HS6ST3: variants seen among roughly 807,000 people sequenced by gnomAD.
HS6ST3 encodes heparan sulfate 6-O-sulfotransferase 3.
A neutral mutation model predicts 36.7 loss-of-function variants in HS6ST3; 12 were observed. The ratio of observed to expected loss-of-function variants is 0.33; its 90% confidence interval spans 0.21 to 0.53. The LOEUF is 0.53. Among genes scored for constraint, HS6ST3 ranks in the 20% least tolerant of loss-of-function variants. The pLI, the probability that HS6ST3 is intolerant of heterozygous loss-of-function variation, is 0.95. For missense variants in HS6ST3, 584 were observed against 640.9 expected (o/e 0.91, Z 0.96); for synonymous variants, 240 against 257.5 (o/e 0.93, Z 0.65).
intron 1 of HS6ST3, among the ~76,000 whole-genome samples, chr13:96,533,851 C>T (rs965439569): frequency 4.6e-5 from 7 of 152,132 alleles, no homozygotes; most frequent in Non-Finnish European, 5.9e-5. Flanking sequence ...CCAGGGGGTC[C>T]AGAGATGATT....
At chr13:96,734,013 C>CT (rs1246887539) in intron 1 of HS6ST3, among the ~76,000 whole-genome samples, 2 of 152,204 alleles carry the variant, frequency 1.3e-5, no homozygotes, top group Non-Finnish European at 1.5e-5. Context: ...CCAGATTTAG[C>CT]TTTTTAAACA....
At chr13:96,186,703 C>G (rs2054266485) in intron 1 of HS6ST3, among the ~76,000 whole-genome samples, 1 of 152,092 alleles carries the variant, frequency 6.6e-6, no homozygotes, top group Non-Finnish European at 1.5e-5. Context: ...TCAGAGGGAG[C>G]CTATGACATT....
intron 1 of HS6ST3, among the ~76,000 whole-genome samples, chr13:96,533,241 A>G (rs2056142572): frequency 6.6e-6 from 1 of 152,176 alleles, no homozygotes; most frequent in Non-Finnish European, 1.5e-5. Flanking sequence ...AGAGACACAG[A>G]GACTGATGAG....
At chr13:96,660,856 A>C (rs1594830029) in intron 1 of HS6ST3, among the ~76,000 whole-genome samples, 1 of 152,294 alleles carries the variant, frequency 6.6e-6, no homozygotes, top group East Asian at 1.9e-4. Flanking sequence ...AGGAAGACCC[A>C]CCTTCAGGGA....
chr13:96,233,109 G>A (rs1167448286), intron 1 of HS6ST3, among the ~76,000 whole-genome samples: 1 of 152,096 alleles, frequency 6.6e-6, no homozygotes, highest in African/African-American at 2.4e-5. Flanking sequence ...CTGATTTTGT[G>A]TAAATAATAT....
chr13:96,189,312 T>C (rs1234446963), intron 1 of HS6ST3, among the ~76,000 whole-genome samples: 1 of 152,148 alleles, frequency 6.6e-6, no homozygotes, highest in Non-Finnish European at 1.5e-5. Context: ...ATGGGGGTTG[T>C]AACAGAGTCA....
chr13:96,796,230 G>A (rs538199687), intron 1 of HS6ST3, among the ~76,000 whole-genome samples: 1 of 152,100 alleles, frequency 6.6e-6, no homozygotes, highest in East Asian at 1.9e-4. Context: ...AATGGGAAAA[G>A]GGAAACTTCA....
At chr13:96,317,436 A>C (rs557576391) in intron 1 of HS6ST3, among the ~76,000 whole-genome samples, 8 of 146,630 alleles carry the variant, frequency 5.5e-5, no homozygotes, top group African/African-American at 1.5e-4. Flanking sequence ...ATACATATAT[A>C]TGTCACATTT....
chr13:96,376,992 G>T (rs1010347034), intron 1 of HS6ST3, among the ~76,000 whole-genome samples: 2 of 149,710 alleles, frequency 1.3e-5, no homozygotes, highest in Non-Finnish European at 3.0e-5. Flanking sequence ...CAGTATTTTT[G>T]TTTTTATTGA....
chr13:96,248,931 A>G (rs1366380350), intron 1 of HS6ST3, among the ~76,000 whole-genome samples: 1 of 152,150 alleles, frequency 6.6e-6, no homozygotes, highest in African/African-American at 2.4e-5. Context: ...ATCTAGTGTA[A>G]TTGATGTGGC....
rs78827700 is a variant in HS6ST3, at chr13:96,478,264, C to A, written c.708-354226C>A. ...GCTCAGTTTTATTTGTGTTTATTAA[C>A]TGCCTGCTTCTTTTTGGCCAGAGAT... On this transcript the variant is annotated intron_variant, in intron 1 of 1. Transcript: ENST00000376705. Among the ~76,000 whole-genome samples the A allele has an allele frequency of 5.8e-3, 889 of 152,258 alleles. 9 individuals carry two copies. The highest frequency in any genetic ancestry group is 0.021 in the African/African-American group (862 of 41,550).
At chr13:96,727,632 C>T (rs1251466735) in intron 1 of HS6ST3, among the ~76,000 whole-genome samples, 2 of 152,118 alleles carry the variant, frequency 1.3e-5, no homozygotes, top group African/African-American at 2.4e-5. Flanking sequence ...AGGAAGGAGC[C>T]AGAATAACAC....
intron 1 of HS6ST3, among the ~76,000 whole-genome samples, chr13:96,335,537 C>A (rs534342993): frequency 3.4e-3 from 521 of 152,274 alleles, no homozygotes; most frequent in South Asian, 7.1e-3. Flanking sequence ...GTAAATAGGA[C>A]TCTACTTACT....
At chr13:96,603,808 G>A (rs1472072171) in intron 1 of HS6ST3, among the ~76,000 whole-genome samples, 1 of 152,122 alleles carries the variant, frequency 6.6e-6, no homozygotes, top group East Asian at 1.9e-4. Flanking sequence ...ATGTATGCTT[G>A]GCATACTTCA....
At chr13:96,384,217 T>C (rs2139447879) in intron 1 of HS6ST3, among the ~76,000 whole-genome samples, 1 of 152,368 alleles carries the variant, frequency 6.6e-6, no homozygotes, top group African/African-American at 2.4e-5. Context: ...TCTTTCAGAC[T>C]CTGACCACAT....
intron 1 of HS6ST3, among the ~76,000 whole-genome samples, chr13:96,601,291 A>C (rs1309267549): frequency 6.6e-6 from 1 of 152,028 alleles, no homozygotes; most frequent in Non-Finnish European, 1.5e-5. Flanking sequence ...CTTCTCCCTC[A>C]GGAATATATC....
At chr13:96,563,928 C>A in intron 1 of HS6ST3, among the ~76,000 whole-genome samples, 1 of 152,166 alleles carries the variant, frequency 6.6e-6, no homozygotes, top group East Asian at 1.9e-4. Context: ...ACCTTCTAGA[C>A]TTTTCTCCCG....
At chr13:96,736,236 T>TA (rs1450457871) in intron 1 of HS6ST3, among the ~76,000 whole-genome samples, 1 of 151,660 alleles carries the variant, frequency 6.6e-6, no homozygotes, top group Non-Finnish European at 1.5e-5. Flanking sequence ...AAAAAGAAGT[T>TA]AAAAAAACAA....
chr13:96,805,967 G>A (rs1189778067), intron 1 of HS6ST3, among the ~76,000 whole-genome samples: 2 of 152,136 alleles, frequency 1.3e-5, no homozygotes, highest in African/African-American at 4.8e-5. Flanking sequence ...ACCCAAAGAC[G>A]TATTTTAGGG....
Sources: gnomAD v4.1 joint callset for allele counts (sites outside exome capture counted in the v4.1 genomes callset) on GRCh38, gnomAD v4.1.1 for gene constraint, MANE v1.5 for transcripts, NCBI Gene and HGNC (gene_info 2026-07-23, HGNC 2026-07-21) for gene names.